The following GRID2 variants were observed in gnomAD, a reference collection of about 807,000 sequenced individuals.
The protein encoded by GRID2 is glutamate ionotropic receptor delta type subunit 2, also known as glutamate receptor ionotropic, delta-2.
GRID2 carries 33 observed loss-of-function variants against 114.8 expected under a neutral mutation model. The ratio of observed to expected loss-of-function variants is 0.29; its 90% CI spans 0.22 to 0.38. The LOEUF is 0.38. Ranked by LOEUF, GRID2 falls within the 10% of genes least tolerant of loss-of-function variation. The pLI, the probability that GRID2 is intolerant of heterozygous loss-of-function variation, is 1.00. For missense variants in GRID2, 1,184 were observed against 1,257.7 expected (o/e 0.94, Z 0.89); for synonymous variants, 505 against 449.9 (o/e 1.12, Z -1.55).
At chr4:93,525,489 A>G (rs1730794414) in intron 13 of GRID2, among the ~76,000 whole-genome samples, 1 of 152,172 alleles carries the variant, frequency 6.6e-6, no homozygotes, top group Non-Finnish European at 1.5e-5. Context: ...AATAATTCAA[A>G]CTAGATGAGC....
Position 92,304,441 on chromosome 4 carries a change from A to G in GRID2, c.-216A>G, listed in dbSNP as rs1017401751. On this transcript the variant is annotated 5_prime_UTR_variant, in exon 1 of 16. Coordinates refer to ENST00000282020, the MANE Select transcript of GRID2 (RefSeq NM_001510.4). ...ATGCCAAAATTCCCCTCCAAGTGAC[A>G]CGGCTTTGCGAAGGAGGTTTCCTCA... 5.0e-6 allele frequency: 3 copies of G among 594,878 alleles called. No individual in the cohort carries two copies. Among genetic ancestry groups the G allele is most frequent in the Non-Finnish European group, 3.0e-6 (1 of 337,216 alleles). The allele number at this position is 594,878 out of a possible 1,614,324, so 36.8% of individuals were successfully genotyped here. A position where few individuals can be genotyped will look rare whatever the true frequency, so the allele number is the denominator to read the frequency against.
At chr4:92,727,180 TA>T (rs1401858130) in intron 2 of GRID2, among the ~76,000 whole-genome samples, 1 of 152,096 alleles carries the variant, frequency 6.6e-6, no homozygotes, top group Non-Finnish European at 1.5e-5. Flanking sequence ...ATGTACTTAC[TA>T]AATGTGAAGT....
chr4:93,465,512 C>T (rs1165958090), intron 11 of GRID2, among the ~76,000 whole-genome samples: 3 of 152,160 alleles, frequency 2.0e-5, no homozygotes, highest in Non-Finnish European at 4.4e-5. Context: ...CTCTAGGTGA[C>T]TCAGTTCACC....
chr4:92,721,167 A>T (rs1181010171), intron 2 of GRID2, among the ~76,000 whole-genome samples: 1 of 152,118 alleles, frequency 6.6e-6, no homozygotes, highest in East Asian at 1.9e-4. Flanking sequence ...ACAAATGGGA[A>T]GTTAGTGTTC....
At chr4:92,492,960 C>T (rs1353547842) in intron 1 of GRID2, among the ~76,000 whole-genome samples, 3 of 151,684 alleles carry the variant, frequency 2.0e-5, no homozygotes, top group Non-Finnish European at 2.9e-5. Context: ...GAAACCCCGT[C>T]TCTACTAAAA....
intron 1 of GRID2, among the ~76,000 whole-genome samples, chr4:92,492,731 A>C (rs1458457158): frequency 6.6e-6 from 1 of 152,166 alleles, no homozygotes; most frequent in Non-Finnish European, 1.5e-5. Flanking sequence ...ATGGCACAAT[A>C]GGTATTAAGG....
chr4:92,578,846 T>C (rs1728036794), intron 1 of GRID2, among the ~76,000 whole-genome samples: 1 of 152,186 alleles, frequency 6.6e-6, no homozygotes. Context: ...TAGTACCAGA[T>C]TACTTCATCA....
intron 14 of GRID2, among the ~76,000 whole-genome samples, chr4:93,633,597 G>A (rs1440571101): frequency 1.3e-5 from 2 of 151,934 alleles, no homozygotes; most frequent in Non-Finnish European, 2.9e-5. Flanking sequence ...AAACCTCTGT[G>A]CATTTTGCTT....
At chr4:92,843,143 G>C (rs1323186016) in intron 2 of GRID2, among the ~76,000 whole-genome samples, 1 of 152,036 alleles carries the variant, frequency 6.6e-6, no homozygotes, top group Non-Finnish European at 1.5e-5. Context: ...CTTGGAAGCT[G>C]AGGTGGGAGA....
At chr4:92,453,096 G>A (rs761793742) in intron 1 of GRID2, among the ~76,000 whole-genome samples, 8 of 151,656 alleles carry the variant, frequency 5.3e-5, no homozygotes, top group Non-Finnish European at 1.0e-4. Context: ...GTCCTCTAAA[G>A]AGCAAATACC....
intron 4 of GRID2, among the ~76,000 whole-genome samples, chr4:93,161,966 C>G (rs867089226): frequency 6.6e-6 from 1 of 151,678 alleles, no homozygotes; most frequent in Admixed American, 6.6e-5. Flanking sequence ...TTGACTATGG[C>G]AGCAATTTAG....
Position 92,918,584 on chromosome 4 carries a change from G to A in GRID2, c.245-166411G>A, listed in dbSNP as rs531062153. 2.6e-5 allele frequency among the ~76,000 whole-genome samples: 4 copies of A among 152,222 alleles called. No individual in the cohort carries two copies. In the East Asian group the frequency reaches 7.7e-4, roughly 29 times the overall value. ...GAAGGGTTGTTGAATTTTGTCAAAG[G>A]CCTTTCTGCATCTATTGAGATAATC... On this transcript the variant is annotated intron_variant, in intron 2 of 15. Coordinates refer to ENST00000282020, the MANE Select transcript of GRID2 (RefSeq NM_001510.4).
chr4:93,453,357 A>T (rs867480080), intron 10 of GRID2, among the ~76,000 whole-genome samples: 9 of 116,538 alleles, frequency 7.7e-5, no homozygotes, highest in African/African-American at 2.3e-4. Context: ...AGAGAGAGAG[A>T]GAGTGTGTGT....
intron 2 of GRID2, among the ~76,000 whole-genome samples, chr4:92,934,077 G>C (rs1004841954): frequency 6.6e-6 from 1 of 151,616 alleles, no homozygotes; most frequent in African/African-American, 2.4e-5. Context: ...TTTTGTATTT[G>C]ATAAAAATTA....
intron 8 of GRID2, among the ~76,000 whole-genome samples, chr4:93,384,476 A>G (rs1764139205): frequency 6.6e-6 from 1 of 152,108 alleles, no homozygotes; most frequent in Non-Finnish European, 1.5e-5. Context: ...TATATCAGTC[A>G]TTTGGGAATT....
At chr4:92,418,484 A>G (rs935418920) in intron 1 of GRID2, among the ~76,000 whole-genome samples, 1 of 152,070 alleles carries the variant, frequency 6.6e-6, no homozygotes, top group Non-Finnish European at 1.5e-5. Flanking sequence ...AGTGTAGAGG[A>G]AAGATTAGAG....
At chr4:92,953,244 T>C (rs1752154510) in intron 2 of GRID2, among the ~76,000 whole-genome samples, 1 of 152,162 alleles carries the variant, frequency 6.6e-6, no homozygotes, top group African/African-American at 2.4e-5. Context: ...ACCTATAACA[T>C]TGAGTAATAG....
chr4:92,465,101 A>G (rs1055109268), intron 1 of GRID2, among the ~76,000 whole-genome samples: 2 of 152,000 alleles, frequency 1.3e-5, no homozygotes, highest in African/African-American at 4.8e-5. Context: ...AGCCTGTGGA[A>G]CTCTGAGTCA....
intron 1 of GRID2, among the ~76,000 whole-genome samples, chr4:93,783,758 C>T (rs1318017714): frequency 3.9e-5 from 6 of 152,224 alleles, no homozygotes; most frequent in South Asian, 4.2e-4. Context: ...GCTTAGAGTC[C>T]CTCTAATGAA....
Sources: allele counts gnomAD v4.1 joint callset (sites outside exome capture counted in the v4.1 genomes callset), GRCh38; gene constraint gnomAD v4.1.1; transcripts MANE v1.5; gene names NCBI Gene and HGNC (gene_info 2026-07-23, HGNC 2026-07-21).